The following TBCEL variants were observed in gnomAD, a reference collection of about 807,000 sequenced individuals.
The protein encoded by TBCEL is tubulin-specific chaperone cofactor E-like protein.
TBCEL carries 15 observed loss-of-function variants against 44.2 expected under a neutral mutation model. The ratio of observed to expected loss-of-function variants is 0.34; its 90% CI spans 0.23 to 0.52. The LOEUF (loss-of-function observed/expected upper bound fraction) is 0.52, where lower values mean the gene tolerates loss of function less well. Among genes scored for constraint, TBCEL ranks in the 20% least tolerant of loss-of-function variants. The pLI, the probability that TBCEL is intolerant of heterozygous loss-of-function variation, is 0.95. For synonymous variants in TBCEL, 171 were observed against 185.4 expected (o/e 0.92, Z 0.63); for missense variants, 319 against 506.3 (o/e 0.63, Z 3.55).
In TBCEL at chr11:121,032,523, G is replaced by A. The variant is rs1212721497; in HGVS notation, c.-125-3982G>A. Among the ~76,000 whole-genome samples the A allele has an allele frequency of 7.9e-5, 12 of 152,070 alleles. No homozygotes were observed. The South Asian group carries it at 1.9e-3, about 24-fold the overall frequency. Reference sequence around the variant, plus strand: ...GACATTTAATATGTATCATTGATTCGTTAACATTGAATTAACTGCAAACAG... The same window carrying A: ...GACATTTAATATGTATCATTGATTCATTAACATTGAATTAACTGCAAACAG... On this transcript the variant is annotated intron_variant, in intron 1 of 8. Coordinates refer to ENST00000683345, the MANE Select transcript of TBCEL (RefSeq NM_001363644.2).
intron 4 of TBCEL, 110 bp downstream of exon 4, chr11:121,047,777 G>A: frequency 7.4e-7 from 1 of 1,344,196 alleles, no homozygotes; most frequent in Non-Finnish European, 1.0e-6. Flanking sequence ...ATGTCTGTAT[G>A]ACTTCTTGTT....
At chr11:121,049,093 T>G (rs1472596604) in intron 4 of TBCEL, among the ~76,000 whole-genome samples, 1 of 151,788 alleles carries the variant, frequency 6.6e-6, no homozygotes, top group East Asian at 1.9e-4. Flanking sequence ...GATTTTTATC[T>G]TTTTTTTATC....
intron 1 of TBCEL, among the ~76,000 whole-genome samples, chr11:121,031,849 G>C (rs983380537): frequency 1.3e-5 from 2 of 151,314 alleles, no homozygotes; most frequent in Non-Finnish European, 2.9e-5. Context: ...GTGGAGATGG[G>C]GTCTTGCTAT....
At chr11:121,077,238 T>G (rs2135006008) in intron 8 of TBCEL, among the ~76,000 whole-genome samples, 1 of 144,184 alleles carries the variant, frequency 6.9e-6, no homozygotes, top group Non-Finnish European at 1.6e-5. Context: ...TTTGTAGAAT[T>G]TATCAGTGAA....
At chr11:121,050,325 T>G (rs1465719924) in intron 4 of TBCEL, among the ~76,000 whole-genome samples, 1 of 151,746 alleles carries the variant, frequency 6.6e-6, no homozygotes, top group East Asian at 1.9e-4. Context: ...GATAGGGCAA[T>G]GTGGAACCAG....
At chr11:121,058,149 GGA>G (rs2134957246) in intron 6 of TBCEL, among the ~76,000 whole-genome samples, 194 bp from the exon 7 acceptor site, 1 of 151,984 alleles carries the variant, frequency 6.6e-6, no homozygotes, top group African/African-American at 2.4e-5. Flanking sequence ...CACAGAGGTA[GGA>G]GAGGCTATGG....
chr11:121,079,003 T>C (rs1946078956), intron 8 of TBCEL, among the ~76,000 whole-genome samples: 1 of 152,236 alleles, frequency 6.6e-6, no homozygotes, highest in South Asian at 2.1e-4. Flanking sequence ...TCACATTCTG[T>C]TTATCCATTA....
Position 121,047,514 on chromosome 11 carries a change from C to CAA in TBCEL, c.134-14_134-13insAA. ...GGCTGATATAGAAAACATTTTGTGT[C>CAA]TCTCATCATTCAGATCGCCTCAACC... On this transcript the variant is annotated splice_polypyrimidine_tract_variant and intron_variant, in intron 3 of 8. Transcript: ENST00000683345. 6.2e-7 allele frequency: 1 copy of CAA among 1,610,044 alleles called. No homozygotes were observed. The highest frequency in any genetic ancestry group is 2.2e-5 in the East Asian group (1 of 44,778).
At chr11:121,084,777 G>A (rs17124763) in intron 8 of TBCEL, among the ~76,000 whole-genome samples, 2,012 of 152,026 alleles carry the variant, frequency 0.013, 62 homozygotes, top group African/African-American at 0.046. Flanking sequence ...CTGAGATTTT[G>A]TTAAATTTTC....
chr11:121,047,761 C>G (rs1945455603), intron 4 of TBCEL, 94 bp downstream of exon 4: 1 of 1,451,896 alleles, frequency 6.9e-7, no homozygotes, highest in Non-Finnish European at 9.4e-7. Flanking sequence ...ATTCTGTTCT[C>G]ACTTGATGTC....
chr11:121,058,487 C>A lies in TBCEL; in HGVS notation c.839+16C>A. 1 of 1,610,160 alleles carries A rather than the reference C, an allele frequency of 6.2e-7. No individual in the cohort carries two copies. Among genetic ancestry groups the A allele is most frequent in the South Asian group, 1.1e-5 (1 of 90,886 alleles). ...TAATAGCCAGGTCTGTTGTCCTGAT[C>A]GTTTTGCTTTATTTTTGTGAGGCCT... is the stretch of plus-strand genomic sequence containing the variant. On this transcript the variant is annotated intron_variant, in intron 7 of 8. Transcript: ENST00000683345.
intron 7 of TBCEL, among the ~76,000 whole-genome samples, chr11:121,059,232 G>A (rs995610060): frequency 1.3e-5 from 2 of 152,030 alleles, no homozygotes; most frequent in African/African-American, 2.4e-5. Context: ...AGTTGTTAAC[G>A]TACACATTAA....
intron 1 of TBCEL, among the ~76,000 whole-genome samples, chr11:121,029,306 G>C (rs992069939): frequency 6.6e-6 from 1 of 152,136 alleles, no homozygotes; most frequent in Non-Finnish European, 1.5e-5. Context: ...GCCAAAAGGG[G>C]AGGATGTTTG....
intron 1 of TBCEL, among the ~76,000 whole-genome samples, chr11:121,027,903 G>A (rs975845677): frequency 6.6e-5 from 10 of 152,080 alleles, no homozygotes; most frequent in African/African-American, 1.9e-4. Flanking sequence ...TTGACTGAAC[G>A]TATGGTTAAA....
intron 8 of TBCEL, among the ~76,000 whole-genome samples, chr11:121,081,807 AT>A (rs1171564211): frequency 2.0e-5 from 3 of 152,180 alleles, no homozygotes; most frequent in Admixed American, 6.5e-5. Context: ...CATGATTTTT[AT>A]TTATGTAACT....
intron 8 of TBCEL, among the ~76,000 whole-genome samples, chr11:121,065,390 G>T (rs913615494): frequency 6.6e-6 from 1 of 152,060 alleles, no homozygotes; most frequent in Admixed American, 6.6e-5. Flanking sequence ...AGAGATTGAG[G>T]ATACTCTTAA....
At chr11:121,085,949 C>T (rs183738518) in intron 8 of TBCEL, among the ~76,000 whole-genome samples, 144 of 152,260 alleles carry the variant, frequency 9.5e-4, no homozygotes, top group African/African-American at 3.3e-3. Flanking sequence ...AAAGTGACTT[C>T]GTTGTATCTT....
At chr11:121,085,622 A>G (rs748763185) in intron 8 of TBCEL, among the ~76,000 whole-genome samples, 1 of 152,098 alleles carries the variant, frequency 6.6e-6, no homozygotes, top group Non-Finnish European at 1.5e-5. Context: ...ATTCCCTGTT[A>G]CTCCACTTAT....
In TBCEL at chr11:121,053,535, C is replaced by A. The variant is rs754218548; in HGVS notation, c.274-16C>A. The A allele has an allele frequency of 6.2e-7, 1 of 1,609,402 alleles. No individual in the cohort carries two copies. The highest frequency in any genetic ancestry group is 1.7e-5 in the Admixed American group (1 of 59,490). ...CTGATTACTGCCTGATAATGCTTTT[C>A]TTTTTTTCTCCTTAGGTCAGTAAAA... On this transcript the variant is annotated splice_polypyrimidine_tract_variant and intron_variant, in intron 4 of 8. Coordinates refer to ENST00000683345, the MANE Select transcript of TBCEL (RefSeq NM_001363644.2).
Sources: gnomAD v4.1 joint callset for allele counts (sites outside exome capture counted in the v4.1 genomes callset) on GRCh38, gnomAD v4.1.1 for gene constraint, MANE v1.5 for transcripts, NCBI Gene and HGNC (gene_info 2026-07-23, HGNC 2026-07-21) for gene names.